HYDIN: variants seen among roughly 807,000 people sequenced by gnomAD.
The protein encoded by HYDIN is axonemal central pair apparatus protein HYDIN.
In HYDIN, 132 loss-of-function variants were observed where a neutral mutation model predicts 403.9. That is an observed-to-expected ratio of 0.33 (90% CI 0.28 to 0.38). The LOEUF (loss-of-function observed/expected upper bound fraction) is 0.38, where lower values mean the gene tolerates loss of function less well. Among genes scored for constraint, HYDIN ranks in the 10% least tolerant of loss-of-function variants. The probability of loss-of-function intolerance (pLI) is 1.00; values close to 1 mark genes in which losing one functional copy is unlikely to be tolerated. For missense variants in HYDIN, 2,827 were observed against 5,009.5 expected, an observed-to-expected ratio of 0.56 and a Z score of 13.15; for synonymous variants, 1,202 against 1,891.7, an observed-to-expected ratio of 0.64 and a Z score of 9.46.
intron 29 of HYDIN, among the ~76,000 whole-genome samples, chr16:70,979,467 A>C (rs952409972): frequency 1.3e-5 from 2 of 152,122 alleles, no homozygotes; most frequent in Non-Finnish European, 2.9e-5. Context: ...TTAAATCTCA[A>C]TTAACAAAAG....
In HYDIN at chr16:70,809,998, A is replaced by C. The variant is rs763025580; in HGVS notation, c.14668T>G (p.Ser4890Ala). The C allele has an allele frequency of 3.7e-6, 6 of 1,614,062 alleles. No homozygotes were observed. The South Asian group carries it at 6.6e-5, about 18-fold the overall frequency. The part of the protein sequence containing the change: ...VVPANSEGTF[S>A]FEFQPLKAGE... ...GCTTTCAGGGGCTGAAATTCAAATGAGAACGTGCCCTGGAAGAGAAAACAG... is the reference window on the plus strand; with the variant it reads ...GCTTTCAGGGGCTGAAATTCAAATGCGAACGTGCCCTGGAAGAGAAAACAG... Residue 4890 changes from serine (S) to alanine (A), a missense_variant, in exon 85 of 86, where the codon TCA (serine) becomes GCA (alanine). Physicochemically the swap from Ser to Ala is moderately conservative, Grantham distance 99 (BLOSUM62 1). Transcript: ENST00000393567.
chr16:71,169,522 A>G (rs1433093452), intron 5 of HYDIN, among the ~76,000 whole-genome samples: 2 of 152,224 alleles, frequency 1.3e-5, no homozygotes, highest in African/African-American at 2.4e-5. Flanking sequence ...TTGTGACAAC[A>G]TGGATGAAAC....
chr16:70,898,095 G>T (rs1398347696), intron 53 of HYDIN, among the ~76,000 whole-genome samples: 5 of 152,154 alleles, frequency 3.3e-5, no homozygotes, highest in African/African-American at 1.2e-4. Context: ...CTTGAGCCCA[G>T]GAGGTGGAAG....
intron 8 of HYDIN, among the ~76,000 whole-genome samples, chr16:71,130,470 G>GCT (rs1244461507): frequency 5.3e-5 from 4 of 75,786 alleles, no homozygotes; most frequent in African/African-American, 9.1e-5. Context: ...ATATATACCG[G>GCT]TTTTTTTTTT....
At chr16:70,834,970 A>G (rs1398350187) in intron 78 of HYDIN, among the ~76,000 whole-genome samples, 3 of 129,910 alleles carry the variant, frequency 2.3e-5, no homozygotes, top group Admixed American at 7.2e-5. Flanking sequence ...ACACACATAT[A>G]TGTGTGTATA....
chr16:70,954,349 C>T (rs1309244069), intron 40 of HYDIN, among the ~76,000 whole-genome samples: 9 of 122,222 alleles, frequency 7.4e-5, no homozygotes, highest in African/African-American at 2.8e-4. Context: ...ATCCCAGCTA[C>T]TCTGGAGGCG....
At position 71,126,042 on chromosome 16, in the gene HYDIN, T is replaced by C. The variant is rs577646277; in HGVS notation, c.1227+3598A>G. 3.9e-5 allele frequency among the ~76,000 whole-genome samples: 6 copies of C among 152,138 alleles called. No homozygotes were observed. In the South Asian group the frequency reaches 1.0e-3, roughly 26 times the overall value. On this transcript the variant is annotated intron_variant, in intron 9 of 85. Coordinates refer to ENST00000393567, the MANE Select transcript of HYDIN (RefSeq NM_001270974.2). ...ACAGGGAAATGCTGCTTGCACTCCA[T>C]TGCTTGGAGAGTCACCTTCTCTTGA...
chr16:71,093,075 T>A (rs1166555933), intron 11 of HYDIN, among the ~76,000 whole-genome samples: 1 of 150,614 alleles, frequency 6.6e-6, no homozygotes, highest in Non-Finnish European at 1.5e-5. Context: ...AAAGTATGAA[T>A]CTGAATCTGG....
In HYDIN at chr16:70,908,765, T is replaced by C. The variant is rs2076607825; in HGVS notation, c.8101A>G (p.Met2701Val). The C allele has an allele frequency of 6.2e-7, 1 of 1,614,246 alleles. No individual in the cohort carries two copies. Among genetic ancestry groups the C allele is most frequent in the East Asian group, 2.2e-5 (1 of 44,882 alleles). The change falls in exon 48 of 86, where the codon ATG (methionine) becomes GTG (valine). Residue 2701 changes from methionine (M) to valine (V), a missense_variant. By Grantham distance (21) the Met-to-Val change is conservative (BLOSUM62 1). Transcript: ENST00000393567. ...GAAAGGACCTTCCTGTTTAAGGCCA[T>C]GTGACGCTTGTCTTTCTGAATCTCG... is the stretch of plus-strand genomic sequence containing the variant. ...VFEIQKDKRH[M>V]ALNRKVLSGE...
chr16:70,843,043 A>ATTTC (rs141117146), intron 75 of HYDIN, among the ~76,000 whole-genome samples: 1 of 150,570 alleles, frequency 6.6e-6, no homozygotes, highest in Admixed American at 6.6e-5. Context: ...TTATTTATTT[A>ATTTC]TTCTTTTTTT....
chr16:70,840,171 A>G lies in HYDIN; in HGVS notation c.12936T>C (p.His4312=), dbSNP rs2143540911. The change falls in exon 76 of 86, where the codon CAT becomes CAC. Residue 4312 remains histidine, a synonymous_variant. Coordinates refer to ENST00000393567, the MANE Select transcript of HYDIN (RefSeq NM_001270974.2). ...CAAAGTTGTAGCTGGTGAAGGAGAA[A>G]TGGATAGCCGGGCTCACAGCACAGC... is the stretch of plus-strand genomic sequence containing the variant. ...ISGCAVSPAI[H]FSFTSYNFGT... is the part of the protein sequence containing the mutation. The G allele has an allele frequency of 1.1e-6, 1 of 946,170 alleles. No individual in the cohort carries two copies. Among genetic ancestry groups the G allele is most frequent in the East Asian group, 2.5e-5 (1 of 39,740 alleles). The allele number at this position is 946,170 out of a possible 1,614,324, so 58.6% of individuals were successfully genotyped here. A position where few individuals can be genotyped will look rare whatever the true frequency, so the allele number is the denominator to read the frequency against.
At chr16:70,848,345 C>T (rs1165461742) in intron 75 of HYDIN, among the ~76,000 whole-genome samples, 6 of 152,080 alleles carry the variant, frequency 3.9e-5, no homozygotes, top group African/African-American at 1.4e-4. Context: ...GAGACAACTT[C>T]TATTCATTGC....
At chr16:70,949,313 TG>T (rs1333138656) in intron 41 of HYDIN, among the ~76,000 whole-genome samples, 2 of 60,692 alleles carry the variant, frequency 3.3e-5, no homozygotes, top group Non-Finnish European at 5.8e-5. Flanking sequence ...TGTTGTGGGG[TG>T]GGGGGAGGGG....
intron 10 of HYDIN, among the ~76,000 whole-genome samples, chr16:71,103,970 A>G (rs370338049): frequency 6.1e-4 from 93 of 152,076 alleles, no homozygotes; most frequent in Middle Eastern, 3.4e-3. Flanking sequence ...AGTTTTCAGT[A>G]TATGGGTCTT....
At chr16:71,107,423 T>A (rs185605976) in intron 10 of HYDIN, among the ~76,000 whole-genome samples, 1,982 of 151,118 alleles carry the variant, frequency 0.013, 36 homozygotes, top group Admixed American at 0.046. Context: ...AAACTATGCA[T>A]CTGACAAAGA....
At chr16:70,985,110 C>G (rs975969018) in intron 28 of HYDIN, 75 bp downstream of exon 28, 208 of 1,233,688 alleles carry the variant, frequency 1.7e-4, no homozygotes, top group Admixed American at 3.9e-4. Flanking sequence ...ACTTGTAATC[C>G]TGGTCGTGAA....
intron 1 of HYDIN, among the ~76,000 whole-genome samples, chr16:71,211,932 G>A (rs377250369): frequency 1.4e-4 from 21 of 152,026 alleles, no homozygotes; most frequent in East Asian, 3.9e-4. Flanking sequence ...TTCAAGGCAC[G>A]GGAATCTAAG....
intron 1 of HYDIN, among the ~76,000 whole-genome samples, chr16:71,191,029 C>T (rs760802064): frequency 6.6e-6 from 1 of 152,004 alleles, no homozygotes; most frequent in Non-Finnish European, 1.5e-5. Context: ...AGAGAAGTTA[C>T]GAATTAAAAG....
At chr16:70,813,240 C>T (rs12051295) in intron 84 of HYDIN, among the ~76,000 whole-genome samples, 27,411 of 151,044 alleles carry the variant, frequency 0.18, 3,901 homozygotes, top group African/African-American at 0.4. Flanking sequence ...TGTGAGCCAC[C>T]GCGCCCGGCC....
Sources: allele counts gnomAD v4.1 joint callset (sites outside exome capture counted in the v4.1 genomes callset), GRCh38; gene constraint gnomAD v4.1.1; transcripts MANE v1.5; gene names NCBI Gene and HGNC (gene_info 2026-07-23, HGNC 2026-07-21).